Variants in KDM4C observed in about 807,000 individuals in gnomAD.
KDM4C encodes the protein lysine-specific demethylase 4C.
A neutral mutation model predicts 129.3 loss-of-function variants in KDM4C; 81 were observed. The ratio of observed to expected loss-of-function variants is 0.63; its 90% CI spans 0.52 to 0.75. The LOEUF (loss-of-function observed/expected upper bound fraction) is 0.75, where lower values mean the gene tolerates loss of function less well. KDM4C is among the 30% of genes least tolerant of loss of function. KDM4C has a pLI of 0.00. For synonymous variants in KDM4C, 573 were observed against 456.1 expected (o/e 1.26, Z -3.26); for missense variants, 1,457 against 1,304.0 (o/e 1.12, Z -1.81).
chr9:7,002,030 C>T (rs1054052416), intron 12 of KDM4C, among the ~76,000 whole-genome samples: 1 of 152,006 alleles, frequency 6.6e-6, no homozygotes, highest in Non-Finnish European at 1.5e-5. Context: ...GTATCTAGGA[C>T]TACAGGCACG....
chr9:7,043,162 A>G (rs1270337696), intron 15 of KDM4C, among the ~76,000 whole-genome samples: 1 of 152,064 alleles, frequency 6.6e-6, no homozygotes, highest in Non-Finnish European at 1.5e-5. Flanking sequence ...GAGGTGAAGT[A>G]TATGAAATTT....
intron 17 of KDM4C, among the ~76,000 whole-genome samples, chr9:7,099,210 A>T (rs908483356): frequency 6.6e-6 from 1 of 152,240 alleles, no homozygotes; most frequent in African/African-American, 2.4e-5. Context: ...AAAAAACATC[A>T]TAAAACTAGC....
chr9:6,937,062 GA>G (rs1195748505), intron 8 of KDM4C, among the ~76,000 whole-genome samples: 1 of 152,072 alleles, frequency 6.6e-6, no homozygotes, highest in African/African-American at 2.4e-5. Flanking sequence ...TTTTATCAGA[GA>G]AATGACAAGA....
intron 15 of KDM4C, among the ~76,000 whole-genome samples, chr9:7,028,419 G>T (rs940494272): frequency 6.6e-6 from 1 of 151,764 alleles, no homozygotes; most frequent in African/African-American, 2.4e-5. Flanking sequence ...TCATGACTCT[G>T]CCCAGTGCCA....
In KDM4C at chr9:7,103,840, A is replaced by G; in HGVS notation, c.2580A>G (p.Thr860=). The G allele has an allele frequency of 6.2e-7, 1 of 1,613,966 alleles. No homozygotes were observed. The highest frequency in any genetic ancestry group is 8.5e-7 in the Non-Finnish European group (1 of 1,179,922). ...ACTGGCCTTATGTGGTGAACATTAC[A>G]TGCTTTCGACATAAGGTCAACCCCA... ...PDDWPYVVNI[T]CFRHKVNPNV... Residue 860 remains threonine, a synonymous_variant, in exon 18 of 22, where the codon ACA becomes ACG. Coordinates refer to ENST00000381309, the MANE Select transcript of KDM4C (RefSeq NM_015061.6).
chr9:7,129,252 T>G (rs1377808592), intron 19 of KDM4C, among the ~76,000 whole-genome samples: 2 of 152,246 alleles, frequency 1.3e-5, no homozygotes, highest in Non-Finnish European at 2.9e-5. Flanking sequence ...TAAAGACAGT[T>G]TCTAGGATTT....
At chr9:7,078,788 T>C (rs1271970340) in intron 17 of KDM4C, among the ~76,000 whole-genome samples, 1 of 152,236 alleles carries the variant, frequency 6.6e-6, no homozygotes, top group East Asian at 1.9e-4. Context: ...TATACTTATC[T>C]GTTGGATGTA....
At chr9:6,808,427 G>T (rs1282072094) in intron 3 of KDM4C, among the ~76,000 whole-genome samples, 1 of 108,286 alleles carries the variant, frequency 9.2e-6, no homozygotes, top group African/African-American at 4.4e-5. Context: ...CATGTGCTGT[G>T]TCCACTCAGG....
At chr9:6,724,143 C>T (rs1817050190) in intron 1 of KDM4C, 1 of 152,196 alleles carries the variant, frequency 6.6e-6, no homozygotes, top group Non-Finnish European at 1.5e-5. Flanking sequence ...AACTATCCAG[C>T]AGGCTATTCA....
intron 8 of KDM4C, chr9:6,947,929 TTTC>T (rs1181142585): frequency 6.6e-6 from 1 of 152,214 alleles, no homozygotes; most frequent in East Asian, 1.9e-4. Flanking sequence ...TGGGTTTTCA[TTTC>T]TTTTTTATTG....
At position 6,861,671 on chromosome 9, in the gene KDM4C, T is replaced by G. The variant is rs550932992; in HGVS notation, c.629+11971T>G. 2.3e-3 allele frequency among the ~76,000 whole-genome samples: 343 copies of G among 152,310 alleles called. 6 individuals carry two copies. Among genetic ancestry groups the G allele is most frequent in the Non-Finnish European group, 4.3e-4 (29 of 68,028 alleles). On this transcript the variant is annotated intron_variant, in intron 5 of 21. Coordinates refer to ENST00000381309, the MANE Select transcript of KDM4C (RefSeq NM_015061.6). Reference sequence around the variant, plus strand: ...CCCCTCCTCTCTTCCTCCCAGTGACTTATTATTTGTGTGGGCTTCATAGAG... The same window carrying G: ...CCCCTCCTCTCTTCCTCCCAGTGACGTATTATTTGTGTGGGCTTCATAGAG...
At chr9:6,848,199 G>T (rs1254665949) in intron 4 of KDM4C, among the ~76,000 whole-genome samples, 2 of 152,092 alleles carry the variant, frequency 1.3e-5, no homozygotes, top group African/African-American at 4.8e-5. Context: ...TGGCCAATGC[G>T]CTTCTCTAAT....
At chr9:6,922,941 C>T (rs1287058807) in intron 8 of KDM4C, among the ~76,000 whole-genome samples, 2 of 152,174 alleles carry the variant, frequency 1.3e-5, no homozygotes, top group Non-Finnish European at 2.9e-5. Flanking sequence ...AGATTTGTTT[C>T]CAAAGTGATG....
intron 17 of KDM4C, among the ~76,000 whole-genome samples, chr9:7,081,349 A>G (rs1322885988): frequency 1.3e-5 from 2 of 152,216 alleles, no homozygotes; most frequent in Admixed American, 6.5e-5. Flanking sequence ...GTCTGACTGA[A>G]TGCAATTTCC....
chr9:6,739,639 T>G (rs1817626849), intron 1 of KDM4C, among the ~76,000 whole-genome samples: 1 of 151,788 alleles, frequency 6.6e-6, no homozygotes, highest in Non-Finnish European at 1.5e-5. Flanking sequence ...GTAGATTTTT[T>G]TTTTTTTTTT....
At chr9:7,019,116 T>C (rs893460423) in intron 15 of KDM4C, among the ~76,000 whole-genome samples, 21 of 152,236 alleles carry the variant, frequency 1.4e-4, no homozygotes, top group Non-Finnish European at 2.9e-4. Context: ...AGTTTAAATA[T>C]TGTAGAAAAG....
upstream of KDM4C, among the ~76,000 whole-genome samples, chr9:6,752,682 C>T (rs900120955): frequency 5.9e-5 from 9 of 152,052 alleles, no homozygotes; most frequent in South Asian, 2.1e-4. Context: ...GAATTACAGA[C>T]GTAAGCCACC....
At chr9:7,026,218 A>C (rs536800297) in intron 15 of KDM4C, among the ~76,000 whole-genome samples, 2 of 151,962 alleles carry the variant, frequency 1.3e-5, no homozygotes, top group East Asian at 3.9e-4. Flanking sequence ...AAAAAAAAAA[A>C]AAAGAAACAG....
intron 8 of KDM4C, among the ~76,000 whole-genome samples, chr9:6,919,881 AT>A (rs1821160783): frequency 6.6e-6 from 1 of 151,610 alleles, no homozygotes. Flanking sequence ...GGCCATATTT[AT>A]TTTTCTATTC....
Sources: allele counts gnomAD v4.1 joint callset (sites outside exome capture counted in the v4.1 genomes callset), GRCh38; gene constraint gnomAD v4.1.1; transcripts MANE v1.5; gene names NCBI Gene and HGNC (gene_info 2026-07-23, HGNC 2026-07-21).